EYA4: variants seen among roughly 807,000 people sequenced by gnomAD.
EYA4 encodes the protein protein phosphatase EYA4.
In EYA4, 31 loss-of-function variants were observed where a neutral mutation model predicts 87.9. That is an observed-to-expected ratio of 0.35 (90% confidence interval 0.27 to 0.48). The LOEUF (loss-of-function observed/expected upper bound fraction) is 0.48. Ranked by LOEUF, EYA4 falls within the 20% of genes least tolerant of loss-of-function variation. The pLI is 0.99. For synonymous variants in EYA4, 263 were observed against 270.6 expected (o/e 0.97, Z 0.28); for missense variants, 678 against 761.4 (o/e 0.89, Z 1.29).
rs199973092 is a variant in EYA4, at chr6:133,448,178, A to T, written c.276A>T (p.Thr92=). 1.1e-5 allele frequency: 17 copies of T among 1,610,802 alleles called. No individual in the cohort carries two copies. The highest frequency in any genetic ancestry group is 8.5e-7 in the Non-Finnish European group (1 of 1,177,088). The change falls in exon 5 of 20, where the codon ACA becomes ACT. Residue 92 remains threonine, a splice_region_variant and synonymous_variant. Transcript: ENST00000355286. ...GTTGCAACACCCCCTCTTCTGCAAC[A>T]AGTATGAGAGATGCTGGTACACTGC... ...LLSCNTPSSA[T]MSLLAVKTEP... is the part of the protein sequence containing the mutation.
chr6:133,365,772 T>G (rs2128455516), intron 2 of EYA4, among the ~76,000 whole-genome samples: 1 of 152,178 alleles, frequency 6.6e-6, no homozygotes, highest in Non-Finnish European at 1.5e-5. Context: ...AGGGGAGTAT[T>G]GACTTACTGA....
At chr6:133,373,768 A>G (rs1229089912) in intron 2 of EYA4, among the ~76,000 whole-genome samples, 1 of 152,146 alleles carries the variant, frequency 6.6e-6, no homozygotes, top group African/African-American at 2.4e-5. Flanking sequence ...GTGTTTGTTT[A>G]TCATGCACAT....
At chr6:133,434,714 C>A (rs1321132133) in intron 3 of EYA4, among the ~76,000 whole-genome samples, 1 of 152,162 alleles carries the variant, frequency 6.6e-6, no homozygotes, top group Admixed American at 6.5e-5. Flanking sequence ...TAGGTTACCA[C>A]CTTTTTTTTG....
At chr6:133,251,906 A>G (rs758862339) in intron 1 of EYA4, among the ~76,000 whole-genome samples, 28 of 152,190 alleles carry the variant, frequency 1.8e-4, no homozygotes, top group Non-Finnish European at 3.8e-4. Flanking sequence ...CTTCCTCCCA[A>G]GTTTAAACAT....
intron 3 of EYA4, among the ~76,000 whole-genome samples, chr6:133,419,879 C>T (rs1583228254): frequency 1.3e-5 from 2 of 152,280 alleles, no homozygotes; most frequent in South Asian, 2.1e-4. Flanking sequence ...TAAAGATAGA[C>T]ATTTATGAAT....
chr6:133,468,524 T>C (rs569234562), intron 10 of EYA4, 42 bp from the exon 11 acceptor site: 15 of 1,459,948 alleles, frequency 1.0e-5, no homozygotes, highest in Non-Finnish European at 1.3e-5. Flanking sequence ...TATTAAAGAG[T>C]AATTTCTCTT....
At chr6:133,432,055 C>T (rs1370642867) in intron 3 of EYA4, among the ~76,000 whole-genome samples, 2 of 151,624 alleles carry the variant, frequency 1.3e-5, no homozygotes, top group African/African-American at 4.9e-5. Context: ...CCTTAGGGAC[C>T]TTAACAAACG....
At chr6:133,260,120 CTGTTT>C (rs1478789259) in intron 1 of EYA4, among the ~76,000 whole-genome samples, 1 of 151,888 alleles carries the variant, frequency 6.6e-6, no homozygotes, top group South Asian at 2.1e-4. Flanking sequence ...TCTTTTGTGT[CTGTTT>C]TAAGTATACC....
chr6:133,445,577 C>CTT (rs1000098998), intron 3 of EYA4, among the ~76,000 whole-genome samples: 18 of 141,656 alleles, frequency 1.3e-4, no homozygotes, highest in South Asian at 6.7e-4. Context: ...TTTCCTTTTT[C>CTT]TTTTTTTTTT....
At chr6:133,279,453 G>A (rs12192839) in intron 2 of EYA4, among the ~76,000 whole-genome samples, 1 of 151,788 alleles carries the variant, frequency 6.6e-6, no homozygotes. Flanking sequence ...ATTCATTTCT[G>A]TGTCCATTTT....
chr6:133,495,791 A>T (rs1038698953), intron 13 of EYA4, among the ~76,000 whole-genome samples: 1 of 147,392 alleles, frequency 6.8e-6, no homozygotes, highest in South Asian at 2.1e-4. Context: ...TTTCTGATTC[A>T]AGAGGTTTGA....
chr6:133,402,622 G>C (rs1351543987), intron 3 of EYA4, among the ~76,000 whole-genome samples: 1 of 151,914 alleles, frequency 6.6e-6, no homozygotes, highest in Non-Finnish European at 1.5e-5. Context: ...TTTTGATGAG[G>C]CACTGTGGGA....
At chr6:133,504,028 G>A (rs184346642) in intron 13 of EYA4, among the ~76,000 whole-genome samples, 4 of 152,036 alleles carry the variant, frequency 2.6e-5, no homozygotes, top group East Asian at 1.9e-4. Context: ...AGGGATTCTC[G>A]TGCCTCAGCA....
At chr6:133,488,097 A>G (rs1235667201) in intron 13 of EYA4, among the ~76,000 whole-genome samples, 1 of 152,202 alleles carries the variant, frequency 6.6e-6, no homozygotes, top group Admixed American at 6.5e-5. Flanking sequence ...ATAGCTACAC[A>G]TTACTTGCCA....
At chr6:133,424,365 G>A (rs1790466275) in intron 3 of EYA4, among the ~76,000 whole-genome samples, 2 of 152,104 alleles carry the variant, frequency 1.3e-5, no homozygotes. Context: ...CTGAAAGTGG[G>A]GCCTTACTGA....
intron 2 of EYA4, among the ~76,000 whole-genome samples, chr6:133,289,908 G>C (rs1778350107): frequency 6.6e-6 from 1 of 152,158 alleles, no homozygotes; most frequent in Non-Finnish European, 1.5e-5. Flanking sequence ...AAGGAGAACT[G>C]CGAAAACAAA....
At chr6:133,317,588 A>G (rs966741892) in intron 2 of EYA4, among the ~76,000 whole-genome samples, 5 of 152,344 alleles carry the variant, frequency 3.3e-5, no homozygotes, top group Admixed American at 3.3e-4. Flanking sequence ...GCTTAGATTA[A>G]TAAGTGTAAA....
chr6:133,344,971 G>T (rs1293748320), intron 2 of EYA4, among the ~76,000 whole-genome samples: 1 of 151,948 alleles, frequency 6.6e-6, no homozygotes, highest in African/African-American at 2.4e-5. Flanking sequence ...ACTTAATAGG[G>T]TTAAATAGAT....
chr6:133,462,926 G>A (rs1430581251), intron 9 of EYA4, among the ~76,000 whole-genome samples, 162 bp downstream of exon 9: 1 of 152,098 alleles, frequency 6.6e-6, no homozygotes, highest in Non-Finnish European at 1.5e-5. Flanking sequence ...CGATGAAATG[G>A]TTGAGTATAC....
Sources: gnomAD v4.1 joint callset for allele counts (sites outside exome capture counted in the v4.1 genomes callset) on GRCh38, gnomAD v4.1.1 for gene constraint, MANE v1.5 for transcripts, NCBI Gene and HGNC (gene_info 2026-07-23, HGNC 2026-07-21) for gene names.